The following NEBL variants were observed in gnomAD, a reference collection of about 807,000 sequenced individuals.
NEBL encodes the protein nebulette.
A neutral mutation model predicts 140.2 loss-of-function variants in NEBL; 122 were observed. The ratio of observed to expected loss-of-function variants is 0.87; its 90% CI spans 0.75 to 1.01. The LOEUF (loss-of-function observed/expected upper bound fraction) is 1.01, where lower values mean the gene tolerates loss of function less well. Ranked by LOEUF, NEBL falls within the 50% of genes least tolerant of loss-of-function variation. The pLI is 0.00. For missense variants in NEBL, 1,365 were observed against 1,231.3 expected (o/e 1.11, Z -1.62); for synonymous variants, 436 against 398.9 (o/e 1.09, Z -1.11).
At chr10:21,120,736 G>A (rs1183028520) in intron 2 of NEBL, among the ~76,000 whole-genome samples, 1 of 144,972 alleles carries the variant, frequency 6.9e-6, no homozygotes. Context: ...GTGTTAGAGT[G>A]AAGAAGTTCC....
chr10:21,005,533 G>C (rs671024), intron 3 of NEBL, among the ~76,000 whole-genome samples: 45,597 of 152,042 alleles, frequency 0.3, 8,223 homozygotes, highest in Admixed American at 0.48. Context: ...CCAAGAGTTC[G>C]AGACCAGCCT....
intron 4 of NEBL, among the ~76,000 whole-genome samples, chr10:20,957,158 T>A (rs1835844849): frequency 6.6e-6 from 1 of 152,232 alleles, no homozygotes; most frequent in Admixed American, 6.5e-5. Context: ...GACACTACTA[T>A]TCAATTATTA....
chr10:20,969,808 G>A (rs1836491246), intron 3 of NEBL, among the ~76,000 whole-genome samples: 1 of 152,028 alleles, frequency 6.6e-6, no homozygotes, highest in Non-Finnish European at 1.5e-5. Flanking sequence ...GCTTCCCAAA[G>A]TGCTGAGATT....
At chr10:20,970,574 G>C (rs1425290242) in intron 3 of NEBL, among the ~76,000 whole-genome samples, 1 of 151,992 alleles carries the variant, frequency 6.6e-6, no homozygotes. Flanking sequence ...GCTTGAGCCT[G>C]TGAGGTGAAG....
At chr10:21,058,056 C>T (rs1835111121) in intron 2 of NEBL, among the ~76,000 whole-genome samples, 1 of 152,130 alleles carries the variant, frequency 6.6e-6, no homozygotes, top group Non-Finnish European at 1.5e-5. Context: ...ATTTTTACAG[C>T]CAGTTGCAAT....
At chr10:21,191,853 C>T (rs1225423506) in intron 3 of NEBL, among the ~76,000 whole-genome samples, 1 of 152,166 alleles carries the variant, frequency 6.6e-6, no homozygotes, top group Non-Finnish European at 1.5e-5. Context: ...TGATCAAAAG[C>T]TTCCCCAACT....
At chr10:20,802,479 AC>A (rs1260243464) in intron 26 of NEBL, among the ~76,000 whole-genome samples, 1 of 152,220 alleles carries the variant, frequency 6.6e-6, no homozygotes, top group Non-Finnish European at 1.5e-5. Context: ...TAAAATGCAA[AC>A]CCTTTGGTAA....
Position 20,863,123 on chromosome 10 carries a change from C to T in NEBL, c.685-3297G>A, listed in dbSNP as rs138045639. 3.9e-4 allele frequency among the ~76,000 whole-genome samples: 60 copies of T among 152,210 alleles called. No individual in the cohort carries two copies. In the East Asian group the frequency reaches 9.5e-3, roughly 24 times the overall value. On this transcript the variant is annotated intron_variant, in intron 7 of 27. Transcript: ENST00000377122. ...CACGGATACTGTTAAGCTACAGTGA[C>T]GGCATTGTAGCTCCCCATAACTGCA...
At chr10:21,172,497 ATTT>A in intron 1 of NEBL, 11 of 1,479,250 alleles carry the variant, frequency 7.4e-6, no homozygotes, top group Middle Eastern at 1.7e-4. Context: ...AAAAAAAAAC[ATTT>A]AAAAATACAG....
intron 4 of NEBL, among the ~76,000 whole-genome samples, chr10:20,923,812 C>T (rs1238749944): frequency 6.6e-6 from 1 of 151,242 alleles, no homozygotes; most frequent in Admixed American, 6.6e-5. Flanking sequence ...AGAACCTGTT[C>T]TCTATCAACA....
intron 3 of NEBL, among the ~76,000 whole-genome samples, chr10:21,227,199 C>T (rs1316131519): frequency 6.6e-6 from 1 of 152,082 alleles, no homozygotes; most frequent in African/African-American, 2.4e-5. Flanking sequence ...TTGTTGATCT[C>T]GTTGCATCTT....
Position 20,971,536 on chromosome 10 carries a change from G to A in NEBL, c.250-9757C>T, listed in dbSNP as rs11012426. On this transcript the variant is annotated intron_variant, in intron 3 of 6. Coordinates refer to the NEBL transcript ENST00000417816. ...ATGTATACATGTGCCATGCTGGTGCGCTGCACCCACTAACTCGTCATCTAG... is the reference window on the plus strand; with the variant it reads ...ATGTATACATGTGCCATGCTGGTGCACTGCACCCACTAACTCGTCATCTAG... Among the ~76,000 whole-genome samples the A allele has an allele frequency of 0.017, 2,595 of 148,714 alleles. 333 individuals are homozygous for A. The East Asian group carries it at 0.34, about 19-fold the overall frequency.
intron 2 of NEBL, among the ~76,000 whole-genome samples, chr10:21,132,050 A>G (rs1481233704): frequency 6.6e-6 from 1 of 152,062 alleles, no homozygotes; most frequent in Non-Finnish European, 1.5e-5. Flanking sequence ...TATATTCTCA[A>G]AGTTATGCAA....
chr10:21,223,130 A>G (rs1313102826), intron 3 of NEBL, among the ~76,000 whole-genome samples: 1 of 152,204 alleles, frequency 6.6e-6, no homozygotes, highest in Non-Finnish European at 1.5e-5. Flanking sequence ...GCCATCAAAT[A>G]CTGGATCTTA....
intron 1 of NEBL, among the ~76,000 whole-genome samples, chr10:21,276,591 C>T (rs758153918): frequency 1.3e-5 from 2 of 152,092 alleles, no homozygotes; most frequent in Non-Finnish European, 2.9e-5. Flanking sequence ...TTTGGGAGGC[C>T]GAGGTGGATG....
At chr10:20,957,705 G>A (rs1835871999) in intron 4 of NEBL, among the ~76,000 whole-genome samples, 1 of 151,996 alleles carries the variant, frequency 6.6e-6, no homozygotes, top group African/African-American at 2.4e-5. Context: ...CAGAAATCCT[G>A]ACAAATCAAA....
intron 2 of NEBL, among the ~76,000 whole-genome samples, chr10:21,104,228 A>G (rs944939527): frequency 6.6e-6 from 1 of 152,234 alleles, no homozygotes; most frequent in Non-Finnish European, 1.5e-5. Flanking sequence ...TTTTTCCAAA[A>G]TTGTGTTTTT....
At chr10:21,102,379 TTCA>T (rs1372731815) in intron 2 of NEBL, among the ~76,000 whole-genome samples, 1 of 152,230 alleles carries the variant, frequency 6.6e-6, no homozygotes, top group Admixed American at 6.5e-5. Context: ...AATGGACGTT[TTCA>T]TCATCAACTG....
chr10:21,288,820 G>GTATATATATATATATATA lies in NEBL; in HGVS notation n.182+3992_182+4009dup, dbSNP rs71392181. 8.3e-3 allele frequency among the ~76,000 whole-genome samples: 289 copies of GTATATATATATATATATA among 34,786 alleles called. 6 individuals carry two copies. Among genetic ancestry groups the GTATATATATATATATATA allele is most frequent in the Admixed American group, 9.0e-3 (16 of 1,782 alleles). The allele number at this position is 34,786 out of a possible 152,430, so 22.8% of individuals were successfully genotyped here. On this transcript the variant is annotated intron_variant and non_coding_transcript_variant, in intron 1 of 8. Transcript: ENST00000675702. ...TCTGACAATATATACGTGTGTGTGT[G>GTATATATATATATATATA]TATATATATATATATATATATATAT...
Sources: allele counts gnomAD v4.1 joint callset (sites outside exome capture counted in the v4.1 genomes callset), GRCh38; gene constraint gnomAD v4.1.1; transcripts MANE v1.5; gene names NCBI Gene and HGNC (gene_info 2026-07-23, HGNC 2026-07-21).